Variants in TTC8 observed in about 807,000 individuals in gnomAD.
TTC8 encodes tetratricopeptide repeat protein 8.
A neutral mutation model predicts 72.5 loss-of-function variants in TTC8; 47 were observed. That is an observed-to-expected ratio of 0.65 (90% CI 0.51 to 0.83). The LOEUF (loss-of-function observed/expected upper bound fraction) is 0.83, where lower values mean the gene tolerates loss of function less well. TTC8 is among the 40% of genes least tolerant of loss of function. TTC8 has a pLI of 0.00. For synonymous variants in TTC8, 199 were observed against 221.4 expected (o/e 0.90, Z 0.90); for missense variants, 611 against 623.2 (o/e 0.98, Z 0.21).
chr14:88,862,437 A>T (rs909815289), intron 10 of TTC8, among the ~76,000 whole-genome samples: 1 of 148,286 alleles, frequency 6.7e-6, no homozygotes, highest in Non-Finnish European at 1.5e-5. Flanking sequence ...ATAAGAATGG[A>T]CAAACAATCC....
intron 1 of TTC8, among the ~76,000 whole-genome samples, chr14:88,826,135 G>A (rs1047318160): frequency 1.3e-5 from 2 of 151,588 alleles, no homozygotes; most frequent in African/African-American, 4.8e-5. Context: ...CTACAGTTAC[G>A]TGCCACCAAG....
intron 14 of TTC8, among the ~76,000 whole-genome samples, chr14:88,876,801 T>C (rs758256801): frequency 6.6e-6 from 1 of 152,190 alleles, no homozygotes; most frequent in Non-Finnish European, 1.5e-5. Flanking sequence ...TATTATGCCT[T>C]AAATACAGCA....
At chr14:88,878,310 C>G (rs2094964676), downstream of TTC8, 1 of 152,142 alleles carries the variant, frequency 6.6e-6, no homozygotes, top group African/African-American at 2.4e-5. Flanking sequence ...TTTAGTGGAA[C>G]TCTTATTAAA....
At chr14:88,880,412 T>A (rs2094969752), downstream of TTC8, 1 of 152,200 alleles carries the variant, frequency 6.6e-6, no homozygotes, top group African/African-American at 2.4e-5. Context: ...AGAATAGACA[T>A]GTTGTTATAA....
chr14:88,838,546 T>A (rs2094764001), intron 2 of TTC8, among the ~76,000 whole-genome samples: 1 of 152,158 alleles, frequency 6.6e-6, no homozygotes, highest in African/African-American at 2.4e-5. Flanking sequence ...GTCACTAATA[T>A]GCTGCAGCTT....
Position 88,824,653 on chromosome 14 carries a change from T to G in TTC8, c.-55T>G, listed in dbSNP as rs2094689577. On this transcript the variant is annotated 5_prime_UTR_variant, in exon 1 of 15. Coordinates refer to ENST00000380656, the MANE Select transcript of TTC8 (RefSeq NM_144596.4). ...GAGTCGGACGCCGCCAGCTCTTCAC[T>G]CCACGCCCACCTCTCTCCTGGAGCG... 9 of 1,474,496 alleles carry G rather than the reference T, an allele frequency of 6.1e-6. No homozygotes were observed. The highest frequency in any genetic ancestry group is 8.3e-6 in the Non-Finnish European group (9 of 1,078,868). 91.3% of individuals were successfully genotyped at this position (1,474,496 alleles called of 1,614,324 possible).
At chr14:88,862,537 T>G (rs1475488514) in intron 10 of TTC8, among the ~76,000 whole-genome samples, 2 of 89,992 alleles carry the variant, frequency 2.2e-5, no homozygotes, top group African/African-American at 8.7e-5. Context: ...TCTCTCTCTC[T>G]CTCCATATAT....
At position 88,868,154 on chromosome 14, in the gene TTC8, C is replaced by G. The variant is rs7149969; in HGVS notation, c.910-1905C>G. 8.7e-3 allele frequency among the ~76,000 whole-genome samples: 1,325 copies of G among 152,198 alleles called. 15 individuals carry two copies. Among genetic ancestry groups the G allele is most frequent in the African/African-American group, 0.031 (1,268 of 41,542 alleles). On this transcript the variant is annotated intron_variant, in intron 10 of 14. Coordinates refer to ENST00000380656, the MANE Select transcript of TTC8 (RefSeq NM_144596.4). Reference sequence around the variant, plus strand: ...AACAACCTTCTCGCTCTGGGTTAAACAGACTAATCTACCCTGTCACAAACA... The same window carrying G: ...AACAACCTTCTCGCTCTGGGTTAAAGAGACTAATCTACCCTGTCACAAACA...
rs1379428942 is a variant in TTC8, at chr14:88,824,750, T to C, written c.43T>C (p.Phe15Leu). 5 of 1,612,804 alleles carry C rather than the reference T, an allele frequency of 3.1e-6. No individual in the cohort carries two copies. In the African/African-American group the frequency reaches 6.7e-5, roughly 22 times the overall value. The change falls in exon 1 of 15, where the codon TTT becomes CTT. Residue 15 changes from phenylalanine to leucine, a missense_variant. Coordinates refer to ENST00000380656, the MANE Select transcript of TTC8 (RefSeq NM_144596.4). ...MEPLLLAWSY[F>L]RRRKFQLCAD... is the part of the protein sequence containing the mutation. ...GCCGCTGCTCCTGGCCTGGAGCTAT[T>C]TTAGGCGCAGGAAGTTCCAGCTCTG...
intron 10 of TTC8, among the ~76,000 whole-genome samples, chr14:88,864,592 C>T (rs75905546): frequency 0.033 from 5,071 of 152,260 alleles, 297 homozygotes; most frequent in African/African-American, 0.12. Context: ...GATTCCTTTT[C>T]TCAACCTTTC....
downstream of TTC8, chr14:88,879,085 C>T (rs1475510447): frequency 6.6e-6 from 1 of 152,092 alleles, no homozygotes; most frequent in East Asian, 1.9e-4. Flanking sequence ...AATATTAACA[C>T]AGCAAAAAAT....
chr14:88,837,306 T>G (rs1184230088), intron 2 of TTC8, among the ~76,000 whole-genome samples: 1 of 152,166 alleles, frequency 6.6e-6, no homozygotes, highest in African/African-American at 2.4e-5. Context: ...TTGTCCACTT[T>G]GCCTGTCCGC....
chr14:88,854,929 C>G (rs1419224728), intron 8 of TTC8, among the ~76,000 whole-genome samples: 3 of 152,182 alleles, frequency 2.0e-5, no homozygotes, highest in African/African-American at 7.2e-5. Flanking sequence ...TCACACCATC[C>G]TCCCGCCTTG....
At chr14:88,865,556 T>A (rs2094905944) in intron 10 of TTC8, among the ~76,000 whole-genome samples, 1 of 152,124 alleles carries the variant, frequency 6.6e-6, no homozygotes, top group Non-Finnish European at 1.5e-5. Flanking sequence ...TAATCCTAGC[T>A]ACTCAGGAGG....
chr14:88,837,048 CA>C, intron 2 of TTC8: 1 of 273,066 alleles, frequency 3.7e-6, no homozygotes, highest in Non-Finnish European at 7.3e-6. Context: ...GCAACAAGAG[CA>C]AAACTCCATC....
chr14:88,872,218 A>C (rs776415492), intron 12 of TTC8, 112 bp from the exon 13 acceptor site: 38 of 1,456,430 alleles, frequency 2.6e-5, no homozygotes, highest in Non-Finnish European at 3.6e-5. Context: ...GACTTCTATA[A>C]TTGTATGGTA....
At chr14:88,832,907 GC>G (rs2094732807) in intron 1 of TTC8, among the ~76,000 whole-genome samples, 1 of 152,080 alleles carries the variant, frequency 6.6e-6, no homozygotes, top group Non-Finnish European at 1.5e-5. Flanking sequence ...ATCCTTTGGG[GC>G]CCTCATTTTC....
intron 7 of TTC8, chr14:88,846,788 TA>T: frequency 1.8e-6 from 1 of 546,140 alleles, no homozygotes; most frequent in East Asian, 3.4e-5. Flanking sequence ...CATATGAACT[TA>T]AAAATTTTTG....
At chr14:88,824,433 T>A, upstream of TTC8, 3 of 466,106 alleles carry the variant, frequency 6.4e-6, no homozygotes, top group Non-Finnish European at 1.2e-5. Flanking sequence ...ACTCACTACC[T>A]TTTTGTTTAG....
Sources: gnomAD v4.1 joint callset for allele counts (sites outside exome capture counted in the v4.1 genomes callset) on GRCh38, gnomAD v4.1.1 for gene constraint, MANE v1.5 for transcripts, NCBI Gene and HGNC (gene_info 2026-07-23, HGNC 2026-07-21) for gene names.